The following ALOX5AP variants were observed in gnomAD, a reference collection of about 807,000 sequenced individuals.
The protein encoded by ALOX5AP is arachidonate 5-lipoxygenase-activating protein.
A neutral mutation model predicts 18.5 loss-of-function variants in ALOX5AP; 9 were observed. That is an observed-to-expected ratio of 0.49 (90% CI 0.29 to 0.85). The LOEUF (loss-of-function observed/expected upper bound fraction) is 0.85, where lower values mean the gene tolerates loss of function less well. Among genes scored for constraint, ALOX5AP ranks in the 40% least tolerant of loss-of-function variants. The pLI, the probability that ALOX5AP is intolerant of heterozygous loss-of-function variation, is 0.08. For synonymous variants in ALOX5AP, 81 were observed against 78.6 expected (o/e 1.03, Z -0.16); for missense variants, 172 against 202.5 (o/e 0.85, Z 0.91).
In ALOX5AP at chr13:30,735,663, G is replaced by T; in HGVS notation, c.58G>T (p.Val20Leu). 1 of 1,614,160 alleles carries T rather than the reference G, an allele frequency of 6.2e-7. No individual in the cohort carries two copies. The highest frequency in any genetic ancestry group is 1.1e-5 in the South Asian group (1 of 91,074). Residue 20 changes from valine to leucine, a missense_variant, in exon 1 of 5, where the codon GTG (valine) becomes TTG (leucine). Val to Leu is a conservative substitution (Grantham distance 32). Coordinates refer to ENST00000380490, the MANE Select transcript of ALOX5AP (RefSeq NM_001629.4). Reference protein sequence around the residue: ...VLLAIVTLISVVQNGFFAHKV... With the variant: ...VLLAIVTLISLVQNGFFAHKV... ...GTTGGCCATCGTCACCCTCATCAGCGTGGTCCAGAATGGTAAGGAAAGCCC... is the reference window on the plus strand; with the variant it reads ...GTTGGCCATCGTCACCCTCATCAGCTTGGTCCAGAATGGTAAGGAAAGCCC...
chr13:30,742,962 A>G (rs1951779803), intron 1 of ALOX5AP, among the ~76,000 whole-genome samples: 1 of 146,222 alleles, frequency 6.8e-6, no homozygotes. Context: ...GTCAATTCCT[A>G]TCTTATCCCC....
chr13:30,725,389 A>T (rs1263002450), intron 1 of ALOX5AP, among the ~76,000 whole-genome samples: 1 of 152,388 alleles, frequency 6.6e-6, no homozygotes, highest in South Asian at 2.1e-4. Flanking sequence ...TGACAGCATC[A>T]GCTAGTCTCT....
chr13:30,752,584 G>A (rs1951861348), intron 3 of ALOX5AP, among the ~76,000 whole-genome samples: 1 of 152,214 alleles, frequency 6.6e-6, no homozygotes, highest in Admixed American at 6.5e-5. Context: ...GTTATCAGCA[G>A]CCCACAGGCT....
chr13:30,753,055 C>A (rs140139607), intron 3 of ALOX5AP, among the ~76,000 whole-genome samples: 263 of 152,288 alleles, frequency 1.7e-3, no homozygotes, highest in African/African-American at 6.2e-3. Flanking sequence ...CCTAGATATA[C>A]AGTGATAAAT....
At chr13:30,752,713 A>T (rs1951862526) in intron 3 of ALOX5AP, among the ~76,000 whole-genome samples, 1 of 152,220 alleles carries the variant, frequency 6.6e-6, no homozygotes, top group African/African-American at 2.4e-5. Flanking sequence ...CTGGTGGCAG[A>T]TCGGCATGAA....
chr13:30,733,486 T>C (rs1251049879), upstream of ALOX5AP, among the ~76,000 whole-genome samples: 1 of 152,246 alleles, frequency 6.6e-6, no homozygotes, highest in Non-Finnish European at 1.5e-5. Flanking sequence ...ACTGCAGGTA[T>C]GAATTGGATC....
intron 1 of ALOX5AP, among the ~76,000 whole-genome samples, chr13:30,725,200 G>A (rs904316944): frequency 1.3e-5 from 2 of 152,226 alleles, no homozygotes; most frequent in African/African-American, 4.8e-5. Context: ...TAGTCTGATG[G>A]TCAGGGACTT....
chr13:30,730,564 C>T (rs1247110782), upstream of ALOX5AP, among the ~76,000 whole-genome samples: 1 of 152,214 alleles, frequency 6.6e-6, no homozygotes, highest in African/African-American at 2.4e-5. Context: ...CCTGCTCCTT[C>T]TCCCTCACCA....
At chr13:30,713,897 C>G in intron 1 of ALOX5AP, 1 of 1,517,940 alleles carries the variant, frequency 6.6e-7, no homozygotes, top group Non-Finnish European at 8.8e-7. Context: ...ACCATGCCTC[C>G]TACAAATTTG....
At chr13:30,752,211 G>T (rs1593442185) in intron 3 of ALOX5AP, 89 bp downstream of exon 3, 3 of 1,382,540 alleles carry the variant, frequency 2.2e-6, no homozygotes, top group Non-Finnish European at 3.1e-6. Context: ...AAAGGACTTT[G>T]CCTGACCTCT....
At chr13:30,713,880 A>C in intron 1 of ALOX5AP, 1 of 1,521,784 alleles carries the variant, frequency 6.6e-7, no homozygotes, top group Non-Finnish European at 8.8e-7. Flanking sequence ...ATGTGTGTGC[A>C]TCTTCTACCA....
At chr13:30,752,813 C>T (rs944507610) in intron 3 of ALOX5AP, among the ~76,000 whole-genome samples, 3 of 152,220 alleles carry the variant, frequency 2.0e-5, no homozygotes, top group African/African-American at 2.4e-5. Flanking sequence ...GTTGTCTCCC[C>T]GCTCTGTAAA....
chr13:30,722,845 C>T (rs927899109), intron 1 of ALOX5AP, among the ~76,000 whole-genome samples: 1 of 152,234 alleles, frequency 6.6e-6, no homozygotes, highest in African/African-American at 2.4e-5. Flanking sequence ...CCCTCTCTCA[C>T]TCTTGCTTCC....
intron 1 of ALOX5AP, among the ~76,000 whole-genome samples, chr13:30,720,597 G>T (rs1047044118): frequency 1.3e-5 from 2 of 152,230 alleles, no homozygotes; most frequent in Non-Finnish European, 2.9e-5. Context: ...CACATCCTGT[G>T]TTAGTTATGA....
chr13:30,742,929 A>C (rs993692622), intron 1 of ALOX5AP, among the ~76,000 whole-genome samples: 1 of 118,724 alleles, frequency 8.4e-6, no homozygotes, highest in Non-Finnish European at 1.6e-5. Context: ...GGCATCTCTG[A>C]CACCCCCACC....
chr13:30,742,808 A>T (rs2137810963), intron 1 of ALOX5AP, among the ~76,000 whole-genome samples: 1 of 152,122 alleles, frequency 6.6e-6, no homozygotes, highest in Middle Eastern at 3.4e-3. Context: ...CTCTTGAAAA[A>T]GGAGTAAAGG....
Position 30,735,641 on chromosome 13 carries a change from G to A in ALOX5AP, c.36G>A (p.Leu12=), listed in dbSNP as rs199916092. The change falls in exon 1 of 5, where the codon TTG becomes TTA. Residue 12 remains leucine (L), a synonymous_variant. Coordinates refer to ENST00000380490, the MANE Select transcript of ALOX5AP (RefSeq NM_001629.4). ...AAACTGTAGGCAATGTTGTCCTGTT[G>A]GCCATCGTCACCCTCATCAGCGTGG... ...DQETVGNVVL[L]AIVTLISVVQ... 6 of 1,613,960 alleles carry A rather than the reference G, an allele frequency of 3.7e-6. No individual in the cohort carries two copies. The highest frequency in any genetic ancestry group is 5.1e-6 in the Non-Finnish European group (6 of 1,180,012).
upstream of ALOX5AP, among the ~76,000 whole-genome samples, chr13:30,733,222 A>C (rs1479525588): frequency 2.0e-5 from 3 of 151,654 alleles, no homozygotes; most frequent in Non-Finnish European, 4.4e-5. Flanking sequence ...CTCTAGCTCC[A>C]AGGCCTAACC....
chr13:30,747,872 C>T (rs17238815), intron 2 of ALOX5AP, among the ~76,000 whole-genome samples: 11,356 of 152,142 alleles, frequency 0.075, 532 homozygotes, highest in East Asian at 0.11. Flanking sequence ...CTTCTCCCTG[C>T]ATCTCTTATC....
Sources: allele counts gnomAD v4.1 joint callset (sites outside exome capture counted in the v4.1 genomes callset), GRCh38; gene constraint gnomAD v4.1.1; transcripts MANE v1.5; gene names NCBI Gene and HGNC (gene_info 2026-07-23, HGNC 2026-07-21).